Variants in LPA observed in about 807,000 individuals in gnomAD.
LPA encodes lipoprotein(a), also known as apolipoprotein(a).
A neutral mutation model predicts 197.9 loss-of-function variants in LPA; 199 were observed. The ratio of observed to expected loss-of-function variants is 1.01; its 90% CI spans 0.90 to 1.13. LPA has a LOEUF of 1.13. Ranked by LOEUF, LPA falls within the 50% of genes most tolerant of loss-of-function variation. The probability of loss-of-function intolerance (pLI) is 0.00; values close to 1 mark genes in which losing one functional copy is unlikely to be tolerated. For synonymous variants in LPA, 715 were observed against 639.5 expected (o/e 1.12, Z -1.78); for missense variants, 1,853 against 1,785.8 (o/e 1.04, Z -0.68).
Position 160,591,093 on chromosome 6 carries a change from G to T in LPA, c.3638C>A (p.Thr1213Asn). The T allele has an allele frequency of 6.2e-7, 1 of 1,613,578 alleles. No individual in the cohort carries two copies. Among genetic ancestry groups the T allele is most frequent in the East Asian group, 2.2e-5 (1 of 44,816 alleles). Reference sequence around the variant, plus strand: ...ATCTGGATTCCTGCAGTAGTTCCTGGTCAGGCCACTGCAAATTACAAAACA... The same window carrying T: ...ATCTGGATTCCTGCAGTAGTTCCTGTTCAGGCCACTGCAAATTACAAAACA... ...TTEYYPNGGL[T>N]RNYCRNPDAE... Residue 1213 changes from threonine to asparagine, a missense_variant, in exon 23 of 39, where the codon ACC (threonine) becomes AAC (asparagine). Around this residue, in one of 3 missense-constraint regions of LPA, gnomAD observed 1,737 missense variants for 1,504.4 expected, o/e 1.15. Coordinates refer to ENST00000316300, the MANE Select transcript of LPA (RefSeq NM_005577.4).
chr6:160,551,686 G>A (rs1778168547), intron 30 of LPA, among the ~76,000 whole-genome samples: 1 of 152,132 alleles, frequency 6.6e-6, no homozygotes, highest in Non-Finnish European at 1.5e-5. Flanking sequence ...ACACTTAGGT[G>A]GAAGAGATAT....
intron 31 of LPA, 90 bp from the exon 32 acceptor site, chr6:160,548,027 T>C: frequency 7.3e-7 from 1 of 1,375,640 alleles, no homozygotes; most frequent in Non-Finnish European, 1.0e-6. Flanking sequence ...TGCAGTCATG[T>C]CAGGCTTCTC....
intron 21 of LPA, among the ~76,000 whole-genome samples, chr6:160,594,519 T>A (rs1348808032): frequency 6.6e-6 from 1 of 152,170 alleles, no homozygotes; most frequent in Non-Finnish European, 1.5e-5. Flanking sequence ...GTCACACATT[T>A]CCCTAGACTG....
intron 28 of LPA, among the ~76,000 whole-genome samples, chr6:160,566,753 C>T (rs1018211432): frequency 5.3e-5 from 8 of 152,078 alleles, no homozygotes; most frequent in East Asian, 1.9e-4. Context: ...ACACATCTCA[C>T]GTGCAGAGAC....
At chr6:160,608,821 G>C in intron 16 of LPA, among the ~76,000 whole-genome samples, 1 of 130,500 alleles carries the variant, frequency 7.7e-6, no homozygotes, top group South Asian at 2.1e-4. Context: ...CTTGAGGGTT[G>C]TGTGTGTGTG....
intron 25 of LPA, 133 bp downstream of exon 25, chr6:160,586,316 C>T: frequency 3.8e-6 from 4 of 1,047,314 alleles, no homozygotes; most frequent in East Asian, 2.5e-5. Flanking sequence ...ACTGAAGCTT[C>T]CTTCCCATTG....
At chr6:160,577,058 G>C (rs1248828198) in intron 28 of LPA, 78 bp downstream of exon 28, 2 of 1,558,126 alleles carry the variant, frequency 1.3e-6, no homozygotes, top group African/African-American at 2.7e-5. Context: ...TCCCTAGGAA[G>C]TGAGCTTAAA....
In LPA at chr6:160,589,607, C is replaced by T; in HGVS notation, c.3893G>A (p.Trp1298Ter). 6.2e-7 allele frequency: 1 copy of T among 1,613,878 alleles called. No homozygotes were observed. The highest frequency in any genetic ancestry group is 8.5e-7 in the Non-Finnish European group (1 of 1,179,872). Residue 1298 changes from tryptophan (W) to a stop codon, truncating the protein, a stop_gained, in exon 24 of 39, where the codon TGG (tryptophan) becomes TAG (stop). Transcript: ENST00000316300. LOFTEE classifies it high-confidence loss of function. ...ATGCCAGTGTGGTGTCATAGAGGAC[C>T]AAGACTGACATGTCCTTCCTGTAAC... is the stretch of plus-strand genomic sequence containing the variant. ...TTVTGRTCQSWSSMTPHWHQR... is the reference protein window; with the variant it reads ...TTVTGRTCQS
chr6:160,608,611 G>C (rs1164053443), intron 16 of LPA, among the ~76,000 whole-genome samples: 1 of 151,926 alleles, frequency 6.6e-6, no homozygotes, highest in African/African-American at 2.4e-5. Context: ...ACGCCTATTT[G>C]ATGCATTGAA....
chr6:160,553,937 C>CTCTGTGTGTG (rs372637630), intron 30 of LPA, among the ~76,000 whole-genome samples: 1 of 139,066 alleles, frequency 7.2e-6, no homozygotes, highest in East Asian at 2.0e-4. Flanking sequence ...CTCTCTCTCT[C>CTCTGTGTGTG]TGTGTGTGTG....
intron 19 of LPA, 24 bp from the exon 20 acceptor site, chr6:160,599,683 A>G (rs1286069253): frequency 1.2e-6 from 2 of 1,613,678 alleles, no homozygotes; most frequent in Non-Finnish European, 8.5e-7. Context: ...AGAAGACATC[A>G]AGCTTATTAT....
intron 4 of LPA, among the ~76,000 whole-genome samples, chr6:160,641,076 A>C (rs1350059628): frequency 7.2e-6 from 1 of 139,104 alleles, no homozygotes; most frequent in Non-Finnish European, 1.6e-5. Context: ...AAAAATCTAA[A>C]GTAGCAAACG....
chr6:160,661,664 T>C (rs1002859059), intron 1 of LPA, among the ~76,000 whole-genome samples: 1 of 152,206 alleles, frequency 6.6e-6, no homozygotes, highest in Non-Finnish European at 1.5e-5. Flanking sequence ...GAACAGGCAT[T>C]GGCTGATGCA....
intron 37 of LPA, among the ~76,000 whole-genome samples, chr6:160,536,289 C>T (rs1583563598): frequency 6.6e-6 from 1 of 152,218 alleles, no homozygotes; most frequent in East Asian, 1.9e-4. Context: ...AACTTTGCAG[C>T]TCACTAAGAA....
At chr6:160,592,937 G>T (rs533431649) in intron 22 of LPA, among the ~76,000 whole-genome samples, 1 of 152,298 alleles carries the variant, frequency 6.6e-6, no homozygotes, top group Admixed American at 6.5e-5. Context: ...TGAGCTCACT[G>T]TTCCCTTGCA....
rs539584676 is a variant in LPA, at chr6:160,647,947, G to T, written c.210-1552C>A. On this transcript the variant is annotated intron_variant, in intron 2 of 38. Transcript: ENST00000316300. The stretch of plus-strand genomic sequence containing the variant: ...ATAGGCTGCAGAAAGTTCCCTTCTT[G>T]TTCTATTCTTCTTCTCCTTAATTCC... Among the ~76,000 whole-genome samples, 20 of 152,250 alleles carry T rather than the reference G, an allele frequency of 1.3e-4. No homozygotes were observed. In the East Asian group the frequency reaches 1.7e-3, roughly 13 times the overall value.
At chr6:160,554,317 T>G (rs1778220098) in intron 30 of LPA, among the ~76,000 whole-genome samples, 1 of 152,182 alleles carries the variant, frequency 6.6e-6, no homozygotes, top group Non-Finnish European at 1.5e-5. Flanking sequence ...TGCTTTTTCC[T>G]GCCTCATAAA....
At chr6:160,603,717 T>G (rs887848486) in intron 18 of LPA, among the ~76,000 whole-genome samples, 2 of 152,226 alleles carry the variant, frequency 1.3e-5, no homozygotes, top group African/African-American at 4.8e-5. Context: ...GCTGAGCCAC[T>G]TGACTTTGTT....
chr6:160,548,680 C>G lies in LPA; in HGVS notation c.4974-21G>C. On this transcript the variant is annotated intron_variant, in intron 30 of 38. Transcript: ENST00000316300. ...GGCCACTGGAAATTCCAAAGCAATA[C>G]AAGTTACAGGAGGCGGAAGAATATT... The G allele has an allele frequency of 1.9e-6, 3 of 1,613,638 alleles. No homozygotes were observed. In the Admixed American group the frequency reaches 5.0e-5, roughly 27 times the overall value.
Sources: gnomAD v4.1 joint callset for allele counts (sites outside exome capture counted in the v4.1 genomes callset) on GRCh38, gnomAD v4.1.1 for gene constraint, gnomAD v4.1.1 regional missense constraint, MANE v1.5 for transcripts, NCBI Gene and HGNC (gene_info 2026-07-23, HGNC 2026-07-21) for gene names.